ASPSCR1: variants seen among roughly 807,000 people sequenced by gnomAD.
ASPSCR1 encodes ASPSCR1 tether for SLC2A4, UBX domain containing.
ASPSCR1 carries 55 observed loss-of-function variants against 68.9 expected under a neutral mutation model. The observed-to-expected ratio is 0.80, with a 90% confidence interval of 0.64 to 1.00. ASPSCR1 has a LOEUF of 1.00. ASPSCR1 is among the 50% of genes least tolerant of loss of function. ASPSCR1 has a pLI of 0.00. For missense variants in ASPSCR1, 765 were observed against 762.2 expected (o/e 1.00, Z -0.04); for synonymous variants, 352 against 332.6 (o/e 1.06, Z -0.63).
chr17:81,999,686 C>T lies in ASPSCR1; in HGVS notation c.933+2840C>T, dbSNP rs1156666519. The stretch of plus-strand genomic sequence containing the variant: ...CAGGAGGGCTCTGTGCACATGGCCC[C>T]GGCCTCGGCTGTCCCCTGGGCACTC... On this transcript the variant is annotated intron_variant, in intron 7 of 15. Coordinates refer to ENST00000306739, the MANE Select transcript of ASPSCR1 (RefSeq NM_024083.4). The surrounding 1 kb of genome is among the most constrained non-coding windows in gnomAD (Gnocchi z 4.4). Among the ~76,000 whole-genome samples the T allele has an allele frequency of 2.0e-5, 3 of 152,104 alleles. No individual in the cohort carries two copies. The highest frequency in any genetic ancestry group is 1.3e-4 in the Admixed American group (2 of 15,282).
At position 81,986,826 on chromosome 17, in the gene ASPSCR1, C is replaced by T. The variant is rs927275242; in HGVS notation, c.374+1219C>T. 8.5e-5 allele frequency among the ~76,000 whole-genome samples: 13 copies of T among 152,286 alleles called. No individual in the cohort carries two copies. Among genetic ancestry groups the T allele is most frequent in the Admixed American group, 5.9e-4 (9 of 15,288 alleles). On this transcript the variant is annotated intron_variant, in intron 4 of 15. Coordinates refer to ENST00000306739, the MANE Select transcript of ASPSCR1 (RefSeq NM_024083.4). This position sits in a 1 kb window ranked among gnomAD's most constrained non-coding sequence, Gnocchi z 5.2. Reference sequence around the variant, plus strand: ...CTGCTCCCGTCTGACAGTAGTGCCGCGCTGCATGGCACGGGTGTTGCGTTC... The same window carrying T: ...CTGCTCCCGTCTGACAGTAGTGCCGTGCTGCATGGCACGGGTGTTGCGTTC...
Position 81,983,531 on chromosome 17 carries a change from G to T in ASPSCR1, c.159-23G>T, listed in dbSNP as rs753005965. ...CGTGTCAGGCTCTGCAGGGCAGCAA[G>T]TGTGCTCTGGTCTGTCTTGCAGGTT... On this transcript the variant is annotated intron_variant, in intron 2 of 15. Coordinates refer to ENST00000306739, the MANE Select transcript of ASPSCR1 (RefSeq NM_024083.4). This position sits in a 1 kb window ranked among gnomAD's most constrained non-coding sequence, Gnocchi z 4.4. The T allele has an allele frequency of 6.4e-7, 1 of 1,574,274 alleles. No homozygotes were observed. The highest frequency in any genetic ancestry group is 1.1e-5 in the South Asian group (1 of 88,504).
Position 81,977,848 on chromosome 17 carries a change from C to T in ASPSCR1, c.102+100C>T, listed in dbSNP as rs894237494. ...GCGTCCCGGTGTTCGGGGGCGGGGC[C>T]TCGGCGGCCAATGAGCGGCCTCCTG... On this transcript the variant is annotated intron_variant, in intron 1 of 15. Coordinates refer to ENST00000306739, the MANE Select transcript of ASPSCR1 (RefSeq NM_024083.4). This position sits in a 1 kb window ranked among gnomAD's most constrained non-coding sequence, Gnocchi z 5.0. The T allele has an allele frequency of 4.3e-6, 4 of 937,528 alleles. No homozygotes were observed. The African/African-American group carries it at 7.0e-5, about 16-fold the overall frequency. The allele number at this position is 937,528 out of a possible 1,614,324, so 58.1% of individuals were successfully genotyped here.
intron 2 of ASPSCR1, among the ~76,000 whole-genome samples, chr17:81,979,862 G>A (rs1393187806): frequency 6.6e-6 from 1 of 152,212 alleles, no homozygotes; most frequent in African/African-American, 2.4e-5. Context: ...GAGGGCTTCT[G>A]CCAGACTCTC....
intron 7 of ASPSCR1, among the ~76,000 whole-genome samples, chr17:81,998,145 ATTTTTC>A (rs2042416280): frequency 6.6e-6 from 1 of 151,802 alleles, no homozygotes; most frequent in Non-Finnish European, 1.5e-5. Flanking sequence ...TTTTATTTTT[ATTTTTC>A]ATAAAGACGA....
intron 3 of ASPSCR1, among the ~76,000 whole-genome samples, chr17:81,985,083 C>G (rs1339658197): frequency 1.3e-5 from 2 of 148,470 alleles, no homozygotes; most frequent in Non-Finnish European, 3.0e-5. Flanking sequence ...TACACACACA[C>G]CTACACATCT....
rs779033384 is a variant in ASPSCR1 at position 81,979,247 on chromosome 17, T to C, written c.158+8T>C. The C allele has an allele frequency of 6.2e-7, 1 of 1,613,656 alleles. No homozygotes were observed. The highest frequency in any genetic ancestry group is 1.1e-5 in the South Asian group (1 of 91,080). ...CTGTGAATATGATCTGAAGTGAGTT[T>C]GCTCCAGCTCAGCAGCAGGGTCTGA... On this transcript the variant is annotated splice_region_variant and intron_variant, in intron 2 of 15. Coordinates refer to ENST00000306739, the MANE Select transcript of ASPSCR1 (RefSeq NM_024083.4).
intron 1 of ASPSCR1, chr17:81,978,419 G>T (rs1044847304): frequency 2.0e-5 from 3 of 152,098 alleles, no homozygotes; most frequent in African/African-American, 7.2e-5. Flanking sequence ...CCAGCTACTC[G>T]GGAGGCTGAG....
chr17:82,009,264 TG>T, intron 8 of ASPSCR1, 73 bp downstream of exon 8: 1 of 1,494,816 alleles, frequency 6.7e-7, no homozygotes, highest in Non-Finnish European at 9.0e-7. Flanking sequence ...TGCTGCCCGC[TG>T]TCCCCAGTGC....
At chr17:81,993,577 C>T (rs983115321) in intron 4 of ASPSCR1, among the ~76,000 whole-genome samples, 1 of 152,198 alleles carries the variant, frequency 6.6e-6, no homozygotes, top group African/African-American at 2.4e-5. Flanking sequence ...GCACAGTGGA[C>T]CCCTGCGGCC....
chr17:82,012,742 C>A (rs891172524), intron 12 of ASPSCR1: 2 of 178,900 alleles, frequency 1.1e-5, no homozygotes, highest in Non-Finnish European at 2.4e-5. Context: ...GCTGGCCCCC[C>A]GGTCCCTGCT....
chr17:82,002,362 A>G (rs1270788712), intron 7 of ASPSCR1, among the ~76,000 whole-genome samples: 1 of 143,042 alleles, frequency 7.0e-6, no homozygotes, highest in African/African-American at 2.6e-5. Flanking sequence ...AGTTCAAGTA[A>G]TTTTTCTGCC....
rs780920234 is a variant in ASPSCR1, at chr17:82,016,849, G to T, written c.1455G>T (p.Ala485=). 7.4e-6 allele frequency: 12 copies of T among 1,612,074 alleles called. No individual in the cohort carries two copies. Among genetic ancestry groups the T allele is most frequent in the Non-Finnish European group, 8.5e-6 (10 of 1,179,964 alleles). ...GLLEHAISPS[A]ADVLVARYMS... Reference sequence around the variant, plus strand: ...TGGAGCATGCCATCTCCCCATCTGCGGCCGATGTGCTGGTGGCCAGGTAAG... The same window carrying T: ...TGGAGCATGCCATCTCCCCATCTGCTGCCGATGTGCTGGTGGCCAGGTAAG... Residue 485 remains alanine (A), a synonymous_variant, in exon 14 of 16, where the codon GCG becomes GCT. Coordinates refer to ENST00000306739, the MANE Select transcript of ASPSCR1 (RefSeq NM_024083.4).
At position 82,017,303 on chromosome 17, in the gene ASPSCR1, C is replaced by G; in HGVS notation, c.1649-6C>G. On this transcript the variant is annotated splice_region_variant and splice_polypyrimidine_tract_variant and intron_variant, in intron 15 of 15. Transcript: ENST00000306739. ...GTGTGGTCACCCTGATGTGTCTGCACTACAGCCAGCAAGAGGTGAGAGCTG... is the reference window on the plus strand; with the variant it reads ...GTGTGGTCACCCTGATGTGTCTGCAGTACAGCCAGCAAGAGGTGAGAGCTG... 6.2e-7 allele frequency: 1 copy of G among 1,611,474 alleles called. No individual in the cohort carries two copies. The highest frequency in any genetic ancestry group is 1.1e-5 in the South Asian group (1 of 91,088).
At chr17:81,991,549 C>A (rs1263793361) in intron 4 of ASPSCR1, among the ~76,000 whole-genome samples, 7 of 152,184 alleles carry the variant, frequency 4.6e-5, no homozygotes, top group Non-Finnish European at 1.0e-4. Context: ...CGGCCCGTCC[C>A]TGTCCATCCC....
At chr17:81,994,783 C>T in intron 4 of ASPSCR1, 38 bp from the exon 5 acceptor site, 1 of 1,606,300 alleles carries the variant, frequency 6.2e-7, no homozygotes, top group Non-Finnish European at 8.5e-7. Flanking sequence ...GGTTGAGCTG[C>T]CCTGGGGTAC....
chr17:81,988,939 G>A (rs115859818), intron 4 of ASPSCR1, among the ~76,000 whole-genome samples: 3,012 of 152,288 alleles, frequency 0.02, 92 homozygotes, highest in African/African-American at 0.067. Flanking sequence ...CGGGCATGGC[G>A]GCTCTCACCT....
In ASPSCR1 at chr17:81,985,503, C is replaced by G. The variant is rs1213892774; in HGVS notation, c.274-4C>G. ...GGAAGTTTCTCATGTCTTATACCCT[C>G]CAGGTTCGCATCGCTTTGCAGCTGG... On this transcript the variant is annotated splice_polypyrimidine_tract_variant and splice_region_variant and intron_variant, in intron 3 of 15. Transcript: ENST00000306739. 3.1e-6 allele frequency: 5 copies of G among 1,613,914 alleles called. No homozygotes were observed. Among genetic ancestry groups the G allele is most frequent in the South Asian group, 1.1e-5 (1 of 91,076 alleles).
chr17:81,988,155 A>AG (rs1393933890), intron 4 of ASPSCR1, among the ~76,000 whole-genome samples: 1 of 151,476 alleles, frequency 6.6e-6, no homozygotes, highest in African/African-American at 2.4e-5. Flanking sequence ...TCTCAAAAAA[A>AG]AAAAAAAAAG....
Sources: gnomAD v4.1 joint callset for allele counts (sites outside exome capture counted in the v4.1 genomes callset) on GRCh38, gnomAD v4.1.1 for gene constraint, Gnocchi (gnomAD v3.1) non-coding constraint, MANE v1.5 for transcripts, NCBI Gene and HGNC (gene_info 2026-07-23, HGNC 2026-07-21) for gene names.